Variants in PALS2 observed in about 807,000 individuals in gnomAD.
The protein encoded by PALS2 is protein associated with LIN7 2, MAGUK p55 family member.
Under a neutral mutation model 61.6 loss-of-function variants are expected in PALS2, and 27 were observed. The observed-to-expected ratio is 0.44, with a 90% CI of 0.32 to 0.60. PALS2 has a LOEUF of 0.60. Among genes scored for constraint, PALS2 ranks in the 20% least tolerant of loss-of-function variants. PALS2 has a pLI of 0.05. For synonymous variants in PALS2, 236 were observed against 218.6 expected (o/e 1.08, Z -0.70); for missense variants, 554 against 639.4 (o/e 0.87, Z 1.44).
chr7:24,607,555 A>ATGTGTATATATACATATATG (rs1472855342), intron 1 of PALS2, among the ~76,000 whole-genome samples: 28 of 149,880 alleles, frequency 1.9e-4, no homozygotes, highest in African/African-American at 5.2e-4. Flanking sequence ...GTATATATGT[A>ATGTGTATATATACATATATG]TGTGTATATA....
intron 9 of PALS2, among the ~76,000 whole-genome samples, chr7:24,669,504 C>T (rs1245245694): frequency 2.0e-5 from 3 of 152,300 alleles, no homozygotes; most frequent in Non-Finnish European, 4.4e-5. Flanking sequence ...GATAAGCTAA[C>T]ATTGCTTTCA....
intron 9 of PALS2, among the ~76,000 whole-genome samples, chr7:24,672,303 C>G (rs1403687499): frequency 1.3e-5 from 2 of 151,908 alleles, no homozygotes; most frequent in African/African-American, 4.8e-5. Context: ...TCTCGGCTCA[C>G]TGCAGCCTCC....
chr7:24,636,427 TTG>T (rs2128067081), intron 2 of PALS2, among the ~76,000 whole-genome samples: 2 of 152,236 alleles, frequency 1.3e-5, no homozygotes, highest in South Asian at 4.2e-4. Context: ...CTGAGTGAAG[TTG>T]TGTGTCTTTT....
At chr7:24,621,082 C>T (rs1784489285) in intron 1 of PALS2, among the ~76,000 whole-genome samples, 1 of 152,136 alleles carries the variant, frequency 6.6e-6, no homozygotes, top group South Asian at 2.1e-4. Flanking sequence ...TTGTTCCCTG[C>T]CCACTTAAAG....
chr7:24,669,047 C>T (rs1343011262), intron 9 of PALS2, among the ~76,000 whole-genome samples: 2 of 152,190 alleles, frequency 1.3e-5, no homozygotes, highest in African/African-American at 4.8e-5. Context: ...CTTGGACATA[C>T]CCAGTGTGGC....
chr7:24,597,439 A>G (rs899521794), intron 1 of PALS2, among the ~76,000 whole-genome samples: 2 of 152,188 alleles, frequency 1.3e-5, no homozygotes, highest in African/African-American at 4.8e-5. Context: ...AAGATAACGC[A>G]TAATACAGAC....
At chr7:24,611,103 C>T (rs943517147) in intron 1 of PALS2, among the ~76,000 whole-genome samples, 1 of 152,108 alleles carries the variant, frequency 6.6e-6, no homozygotes, top group African/African-American at 2.4e-5. Context: ...CATTTACTTA[C>T]AGTTCTAAAC....
intron 4 of PALS2, 147 bp downstream of exon 4, chr7:24,649,911 G>A (rs949674344): frequency 1.4e-6 from 1 of 720,392 alleles, no homozygotes; most frequent in Non-Finnish European, 2.0e-6. Flanking sequence ...CACAGCTGAT[G>A]CTTTCTCAAC....
chr7:24,686,391 C>T (rs996950376), intron 11 of PALS2, among the ~76,000 whole-genome samples: 1 of 152,144 alleles, frequency 6.6e-6, no homozygotes, highest in African/African-American at 2.4e-5. Context: ...TACCTTGTTT[C>T]CCAACCCTTC....
At chr7:24,668,719 A>G in intron 9 of PALS2, 59 bp downstream of exon 9, 3 of 1,553,700 alleles carry the variant, frequency 1.9e-6, no homozygotes, top group Non-Finnish European at 2.6e-6. Flanking sequence ...GGGCATATGG[A>G]GGAAAGGGGG....
At position 24,681,693 on chromosome 7, in the gene PALS2, C is replaced by CATGAGT. The variant is rs545689722; in HGVS notation, c.1446+1174_1446+1175insTGAGTA. 3.0e-3 allele frequency among the ~76,000 whole-genome samples: 451 copies of CATGAGT among 152,136 alleles called. 15 individuals are homozygous for CATGAGT. Among genetic ancestry groups the CATGAGT allele is most frequent in the Admixed American group, 0.024 (371 of 15,266 alleles). ...ACATGTACAGCTTGATCAGTTTGGC[C>CATGAGT]ACATATTTGTACTCATGAAAGCCAT... On this transcript the variant is annotated intron_variant, in intron 11 of 11. Coordinates refer to ENST00000222644, the MANE Select transcript of PALS2 (RefSeq NM_001303037.2).
rs779029184 is a variant in PALS2 at position 24,663,641 on chromosome 7, C to T, written c.703C>T (p.Pro235Ser). Residue 235 changes from proline (P) to serine (S), a missense_variant, in exon 6 of 12, where the codon CCT becomes TCT. Coordinates refer to ENST00000222644, the MANE Select transcript of PALS2 (RefSeq NM_001303037.2). Reference sequence around the variant, plus strand: ...TAATCCATACAATGACAACCTAATACCTTGCAAAGAAGCAGGATTGAAGTT... The same window carrying T: ...TAATCCATACAATGACAACCTAATATCTTGCAAAGAAGCAGGATTGAAGTT... ...DYNPYNDNLI[P>S]CKEAGLKFSK... The T allele has an allele frequency of 6.3e-7, 1 of 1,595,620 alleles. No individual in the cohort carries two copies.
intron 3 of PALS2, among the ~76,000 whole-genome samples, chr7:24,647,095 A>G (rs1413988213): frequency 6.8e-6 from 1 of 147,544 alleles, no homozygotes; most frequent in East Asian, 1.9e-4. Context: ...CAAAAACCCA[A>G]CTCCTGGATT....
At chr7:24,681,292 G>A (rs976784010) in intron 11 of PALS2, among the ~76,000 whole-genome samples, 18 of 151,982 alleles carry the variant, frequency 1.2e-4, no homozygotes, top group African/African-American at 4.1e-4. Context: ...TCCCTATGCC[G>A]ATCGCCTAGC....
At chr7:24,656,133 G>A (rs1418420306) in intron 5 of PALS2, among the ~76,000 whole-genome samples, 1 of 152,170 alleles carries the variant, frequency 6.6e-6, no homozygotes, top group East Asian at 1.9e-4. Flanking sequence ...ACTCTGAAAT[G>A]CAGATTCAGA....
At chr7:24,652,853 C>A (rs1786229761) in intron 5 of PALS2, among the ~76,000 whole-genome samples, 1 of 152,180 alleles carries the variant, frequency 6.6e-6, no homozygotes, top group Admixed American at 6.6e-5. Flanking sequence ...AGTAGATGAT[C>A]TTTATCAGAA....
chr7:24,579,829 A>G (rs913276443), intron 1 of PALS2, among the ~76,000 whole-genome samples: 1 of 152,224 alleles, frequency 6.6e-6, no homozygotes, highest in Admixed American at 6.5e-5. Context: ...TAGGCAATAG[A>G]GCAATTTTTT....
At chr7:24,621,863 G>T (rs568878229) in intron 1 of PALS2, among the ~76,000 whole-genome samples, 1 of 152,076 alleles carries the variant, frequency 6.6e-6, no homozygotes, top group East Asian at 1.9e-4. Flanking sequence ...TTATAATATT[G>T]AGTGAGGGGA....
intron 6 of PALS2, among the ~76,000 whole-genome samples, chr7:24,665,321 ATAAAT>A (rs1014841625): frequency 2.0e-5 from 3 of 152,204 alleles, no homozygotes; most frequent in Non-Finnish European, 4.4e-5. Flanking sequence ...ACTTAGTATC[ATAAAT>A]AAGAAGTTTT....
Sources: gnomAD v4.1 joint callset for allele counts (sites outside exome capture counted in the v4.1 genomes callset) on GRCh38, gnomAD v4.1.1 for gene constraint, MANE v1.5 for transcripts, NCBI Gene and HGNC (gene_info 2026-07-23, HGNC 2026-07-21) for gene names.